Variants in MMRN1 observed in about 807,000 individuals in gnomAD.
MMRN1 encodes the protein multimerin-1.
A neutral mutation model predicts 100.7 loss-of-function variants in MMRN1; 94 were observed. The observed-to-expected ratio is 0.93, with a 90% CI of 0.79 to 1.11. The LOEUF is 1.11. Ranked by LOEUF, MMRN1 falls within the 50% of genes least tolerant of loss-of-function variation. MMRN1 has a pLI of 0.00. For missense variants in MMRN1, 1,606 were observed against 1,439.1 expected (o/e 1.12, Z -1.88); for synonymous variants, 575 against 505.0 (o/e 1.14, Z -1.86).
intron 6 of MMRN1, 32 bp from the exon 7 acceptor site, chr4:89,951,573 T>A (rs2110659071): frequency 7.0e-7 from 1 of 1,436,926 alleles, no homozygotes; most frequent in East Asian, 2.6e-5. Flanking sequence ...GTCACTTTAT[T>A]CTCTTTTACC....
Position 89,926,846 on chromosome 4 carries a change from T to C in MMRN1, c.956-949T>C, listed in dbSNP as rs1171605398. On this transcript the variant is annotated intron_variant, in intron 4 of 7. Transcript: ENST00000264790. ...AGAGGTCTAGAGTCATTATTCTGCATATGGACATCCAATTTCCCCAGCACC... is the reference window on the plus strand; with the variant it reads ...AGAGGTCTAGAGTCATTATTCTGCACATGGACATCCAATTTCCCCAGCACC... Among the ~76,000 whole-genome samples the C allele has an allele frequency of 3.3e-5, 5 of 152,212 alleles. No homozygotes were observed. The East Asian group carries it at 9.6e-4, about 29-fold the overall frequency.
At chr4:89,913,540 T>C (rs774545439) in intron 3 of MMRN1, among the ~76,000 whole-genome samples, 11 of 151,272 alleles carry the variant, frequency 7.3e-5, no homozygotes, top group Admixed American at 6.0e-4. Context: ...ACTGTAAATA[T>C]AGACACAAGA....
At position 89,935,706 on chromosome 4, in the gene MMRN1, A is replaced by G; in HGVS notation, c.2026A>G (p.Lys676Glu). Reference sequence around the variant, plus strand: ...ACCAAAGGAAGCAATAGTGATAAGGAAAAAGATAGAAAATCTGACTAGTGC... The same window carrying G: ...ACCAAAGGAAGCAATAGTGATAAGGGAAAAGATAGAAAATCTGACTAGTGC... ...EQPKEAIVIR[K>E]KIENLTSAVN... is the part of the protein sequence containing the mutation. Residue 676 changes from lysine to glutamate, a missense_variant, in exon 6 of 8, where the codon AAA becomes GAA. Transcript: ENST00000264790. The G allele has an allele frequency of 6.2e-7, 1 of 1,612,004 alleles. No homozygotes were observed. Among genetic ancestry groups the G allele is most frequent in the Non-Finnish European group, 8.5e-7 (1 of 1,179,408 alleles).
At chr4:89,910,051 C>T (rs1383089324) in intron 2 of MMRN1, among the ~76,000 whole-genome samples, 1 of 151,440 alleles carries the variant, frequency 6.6e-6, no homozygotes, top group African/African-American at 2.4e-5. Flanking sequence ...AATTGTTATT[C>T]AGGCCATGAT....
chr4:89,941,055 C>T (rs188095035), intron 6 of MMRN1, among the ~76,000 whole-genome samples: 94 of 152,236 alleles, frequency 6.2e-4, no homozygotes, highest in Middle Eastern at 6.8e-3. Flanking sequence ...GAATGGTTTT[C>T]TCCAAGCGAT....
chr4:89,938,523 T>A (rs1179678100), intron 6 of MMRN1, among the ~76,000 whole-genome samples: 4 of 143,038 alleles, frequency 2.8e-5, no homozygotes, highest in Non-Finnish European at 3.0e-5. Context: ...TTAAAATATA[T>A]ATATGCTATT....
chr4:89,925,507 T>C lies in MMRN1; in HGVS notation c.955+2235T>C, dbSNP rs1364930133. On this transcript the variant is annotated intron_variant, in intron 4 of 7. Coordinates refer to ENST00000264790, the MANE Select transcript of MMRN1 (RefSeq NM_007351.3). ...AATTTTTATTTATATTTTTAATATA[T>C]ATATATATATTTAATTTTTAATTAA... 5.4e-5 allele frequency among the ~76,000 whole-genome samples: 8 copies of C among 147,736 alleles called. 1 individual carries two copies. Among genetic ancestry groups the C allele is most frequent in the Middle Eastern group, 6.6e-3 (2 of 302 alleles).
rs565859934 is a variant in MMRN1, at chr4:89,954,307, T to C, written c.*889T>C. On this transcript the variant is annotated 3_prime_UTR_variant, in exon 8 of 8. Transcript: ENST00000264790. The stretch of plus-strand genomic sequence containing the variant: ...CCTTGTAAAGTGGGCATGATTACCA[T>C]GATTTTTATAGTTGAAGAACCTAAG... The C allele has an allele frequency of 6.6e-6, 1 of 152,228 alleles. No homozygotes were observed. Among genetic ancestry groups the C allele is most frequent in the Admixed American group, 6.5e-5 (1 of 15,270 alleles). The allele number at this position is 152,228 out of a possible 1,614,324, so 9.4% of individuals were successfully genotyped here.
chr4:89,944,188 T>G (rs1722918499), intron 6 of MMRN1, among the ~76,000 whole-genome samples: 1 of 152,194 alleles, frequency 6.6e-6, no homozygotes, highest in Non-Finnish European at 1.5e-5. Context: ...TTTTGTACAT[T>G]TTAATTTTTT....
intron 4 of MMRN1, among the ~76,000 whole-genome samples, chr4:89,927,234 G>A (rs1319334028): frequency 6.6e-6 from 1 of 151,966 alleles, no homozygotes; most frequent in Non-Finnish European, 1.5e-5. Context: ...GGATAGTATG[G>A]ACATTTTAAC....
intron 6 of MMRN1, among the ~76,000 whole-genome samples, chr4:89,947,724 G>C (rs1045617964): frequency 6.6e-6 from 1 of 152,028 alleles, no homozygotes; most frequent in Admixed American, 6.6e-5. Context: ...GATTTTTGTT[G>C]GTAATTCAAG....
intron 5 of MMRN1, among the ~76,000 whole-genome samples, chr4:89,933,014 C>T (rs553692332): frequency 1.3e-5 from 2 of 152,130 alleles, no homozygotes; most frequent in Admixed American, 6.6e-5. Context: ...TAAACATAAG[C>T]TCCAATTCCA....
At chr4:89,912,931 C>T (rs1721800906) in intron 3 of MMRN1, among the ~76,000 whole-genome samples, 1 of 151,146 alleles carries the variant, frequency 6.6e-6, no homozygotes. Context: ...CAAATTTCAC[C>T]ATAATGCTAT....
intron 6 of MMRN1, among the ~76,000 whole-genome samples, chr4:89,945,620 T>C (rs1234100044): frequency 5.3e-5 from 8 of 152,296 alleles, no homozygotes; most frequent in Middle Eastern, 6.8e-3. Flanking sequence ...TTTTTAATTC[T>C]TCTCTTGATT....
intron 1 of MMRN1, among the ~76,000 whole-genome samples, chr4:89,881,597 T>C (rs1720816160): frequency 6.6e-6 from 1 of 152,040 alleles, no homozygotes; most frequent in Non-Finnish European, 1.5e-5. Context: ...TATTTAATAT[T>C]CATTAAAGCC....
rs1250962288 is a variant in MMRN1, at chr4:89,936,397, T to TGG, written c.2718_2719dup (p.Glu907GlyfsTer23). 6.2e-7 allele frequency: 1 copy of TGG among 1,609,496 alleles called. No individual in the cohort carries two copies. The highest frequency in any genetic ancestry group is 8.5e-7 in the Non-Finnish European group (1 of 1,178,696). ...GTATTAAATTCCAGATTTAAGGCGTTGGAAGCAAAATCTATCCATCTTTCA... is the reference window on the plus strand; with the variant it reads ...GTATTAAATTCCAGATTTAAGGCGTTGGGGAAGCAAAATCTATCCATCTTTCA... On this transcript the variant is annotated frameshift_variant, in exon 6 of 8. Transcript: ENST00000264790. LOFTEE classifies it high-confidence loss of function.
chr4:89,900,040 T>G lies in MMRN1; in HGVS notation c.623+4446T>G, dbSNP rs1246532516. On this transcript the variant is annotated intron_variant, in intron 1 of 7. Transcript: ENST00000264790. Reference sequence around the variant, plus strand: ...AGGAAAAGTATGACATCATACTTGCTTAATTTGAATTTTTAGATTTGTCTT... The same window carrying G: ...AGGAAAAGTATGACATCATACTTGCGTAATTTGAATTTTTAGATTTGTCTT... Among the ~76,000 whole-genome samples the G allele has an allele frequency of 4.6e-5, 7 of 152,200 alleles. No individual in the cohort carries two copies. The South Asian group carries it at 1.5e-3, about 32-fold the overall frequency.
chr4:89,892,567 C>A (rs1721079261), upstream of MMRN1, among the ~76,000 whole-genome samples: 1 of 151,316 alleles, frequency 6.6e-6, no homozygotes, highest in African/African-American at 2.4e-5. Context: ...ATCCATATAC[C>A]CAAAATCACT....
chr4:89,934,634 A>T (rs916956837), intron 5 of MMRN1, among the ~76,000 whole-genome samples, 176 bp from the exon 6 acceptor site: 1 of 152,110 alleles, frequency 6.6e-6, no homozygotes, highest in Non-Finnish European at 1.5e-5. Context: ...TTATTCAAGG[A>T]ATTGATCACC....
Sources: allele counts gnomAD v4.1 joint callset (sites outside exome capture counted in the v4.1 genomes callset), GRCh38; gene constraint gnomAD v4.1.1; transcripts MANE v1.5; gene names NCBI Gene and HGNC (gene_info 2026-07-23, HGNC 2026-07-21).